HEATR6: variants seen among roughly 807,000 people sequenced by gnomAD.
HEATR6 encodes HEAT repeat containing 6.
In HEATR6, 106 loss-of-function variants were observed where a neutral mutation model predicts 132.8. That is an observed-to-expected ratio of 0.80 (90% CI 0.68 to 0.94). The LOEUF (loss-of-function observed/expected upper bound fraction) is 0.94, where lower values mean the gene tolerates loss of function less well. Ranked by LOEUF, HEATR6 falls within the 40% of genes least tolerant of loss-of-function variation. The probability of loss-of-function intolerance (pLI) is 0.00; values close to 1 mark genes in which losing one functional copy is unlikely to be tolerated. For missense variants in HEATR6, 1,339 were observed against 1,425.1 expected, an observed-to-expected ratio of 0.94 and a Z score of 0.97; for synonymous variants, 529 against 537.8, an observed-to-expected ratio of 0.98 and a Z score of 0.23.
chr17:60,073,185 C>A lies in HEATR6; in HGVS notation c.563G>T (p.Cys188Phe), dbSNP rs1275929283. 3 of 1,610,292 alleles carry A rather than the reference C, an allele frequency of 1.9e-6. No homozygotes were observed. Among genetic ancestry groups the A allele is most frequent in the Non-Finnish European group, 2.5e-6 (3 of 1,176,580 alleles). The stretch of plus-strand genomic sequence containing the variant: ...ATACCTGAGACATAAGTTTGCCATA[C>A]AATGTACTGCAGCTCTCCTGACTTC... Reference protein sequence around the residue: ...DPEVRRAAVHCMANLCLSVPG... With the variant: ...DPEVRRAAVHFMANLCLSVPG... Residue 188 changes from cysteine to phenylalanine, a missense_variant, in exon 4 of 20, where the codon TGT (cysteine) becomes TTT (phenylalanine). By Grantham distance (205) the Cys-to-Phe change is radical. Transcript: ENST00000184956.
At chr17:60,049,122 A>AGTGTGTGTGT (rs531092208) in intron 16 of HEATR6, among the ~76,000 whole-genome samples, 2,087 of 134,834 alleles carry the variant, frequency 0.015, 48 homozygotes, top group African/African-American at 0.041. Context: ...AGAGACAGAG[A>AGTGTGTGTGT]GTGTGTGTGT....
At chr17:60,066,709 T>C (rs1212170712) in intron 8 of HEATR6, among the ~76,000 whole-genome samples, 1 of 152,160 alleles carries the variant, frequency 6.6e-6, no homozygotes, top group East Asian at 1.9e-4. Flanking sequence ...ATCCATCCAT[T>C]CAACGAATAT....
At position 60,073,078 on chromosome 17, in the gene HEATR6, G is replaced by A. The variant is rs1002116721; in HGVS notation, c.584+86C>T. The A allele has an allele frequency of 7.2e-5, 51 of 706,548 alleles. 1 individual carries two copies. In the South Asian group the frequency reaches 7.6e-4, roughly 11 times the overall value. The allele number at this position is 706,548 out of a possible 1,614,324, so 43.8% of individuals were successfully genotyped here. On this transcript the variant is annotated intron_variant, in intron 4 of 19. Coordinates refer to ENST00000184956, the MANE Select transcript of HEATR6 (RefSeq NM_022070.5). ...TTAGTTATTTGTCTAAGTTGGCTCT[G>A]GCTTCAGGCACAGGGAACTACCTAC...
At chr17:60,066,484 G>T in intron 8 of HEATR6, 98 bp from the exon 9 acceptor site, 1 of 842,172 alleles carries the variant, frequency 1.2e-6, no homozygotes, top group South Asian at 2.0e-5. Context: ...CAATTCAAAT[G>T]ATACATTCAA....
At chr17:60,072,163 C>G in intron 5 of HEATR6, 52 bp downstream of exon 5, 1 of 844,426 alleles carries the variant, frequency 1.2e-6, no homozygotes, top group Non-Finnish European at 1.8e-6. Flanking sequence ...CTTTTCCAAT[C>G]TGCTTCTAGA....
intron 2 of HEATR6, chr17:60,074,147 C>A (rs1251124452): frequency 8.5e-6 from 10 of 1,180,260 alleles, no homozygotes; most frequent in Non-Finnish European, 9.4e-6. Flanking sequence ...TTGAACTAAC[C>A]AGACATTGGC....
intron 9 of HEATR6, among the ~76,000 whole-genome samples, chr17:60,065,476 T>C (rs538969503): frequency 2.0e-5 from 3 of 152,348 alleles, no homozygotes; most frequent in African/African-American, 7.2e-5. Context: ...CCAGATGCCA[T>C]TCAGCATGAC....
At chr17:60,048,893 C>T in intron 16 of HEATR6, among the ~76,000 whole-genome samples, 1 of 149,088 alleles carries the variant, frequency 6.7e-6, no homozygotes, top group Non-Finnish European at 1.5e-5. Flanking sequence ...TTTATTAGAT[C>T]ATTCATTAAT....
chr17:60,048,163 T>C, intron 17 of HEATR6, 101 bp downstream of exon 17: 2 of 1,233,932 alleles, frequency 1.6e-6, no homozygotes, highest in Admixed American at 2.4e-5. Flanking sequence ...CTGCATAATA[T>C]GCGGGAACTA....
At chr17:60,049,765 A>G in intron 15 of HEATR6, 63 bp from the exon 16 acceptor site, 1 of 1,563,950 alleles carries the variant, frequency 6.4e-7, no homozygotes. Flanking sequence ...AAAGGCTTCC[A>G]TAAAAGATGT....
chr17:60,059,326 C>T, intron 11 of HEATR6, 96 bp downstream of exon 11: 2 of 660,672 alleles, frequency 3.0e-6, no homozygotes. Flanking sequence ...TGTAAAAATG[C>T]TTTGAATATA....
At position 60,046,061 on chromosome 17, in the gene HEATR6, T is replaced by C. The variant is rs932656665; in HGVS notation, c.2938A>G (p.Met980Val). Residue 980 changes from methionine (M) to valine (V), a missense_variant, in exon 19 of 20, where the codon ATG becomes GTG. Physicochemically the swap from Met to Val is conservative, Grantham distance 21. Coordinates refer to ENST00000184956, the MANE Select transcript of HEATR6 (RefSeq NM_022070.5). ...GCAGGATTTTTAAATACATTTCCCATTGCATAACAAGCATTCCATCGGACT... is the reference window on the plus strand; with the variant it reads ...GCAGGATTTTTAAATACATTTCCCACTGCATAACAAGCATTCCATCGGACT... The part of the protein sequence containing the change: ...MKVRWNACYA[M>V]GNVFKNPALP... 3.1e-6 allele frequency: 5 copies of C among 1,613,954 alleles called. No individual in the cohort carries two copies. The African/African-American group carries it at 5.3e-5, about 17-fold the overall frequency.
intron 11 of HEATR6, 54 bp from the exon 12 acceptor site, chr17:60,057,457 T>C (rs919137683): frequency 8.5e-7 from 1 of 1,177,972 alleles, no homozygotes; most frequent in Non-Finnish European, 1.2e-6. Flanking sequence ...ACTGTAAAGA[T>C]GGTAGTTATC....
chr17:60,073,414 C>A (rs2083279635), intron 3 of HEATR6, 135 bp from the exon 4 acceptor site: 1 of 624,352 alleles, frequency 1.6e-6, no homozygotes, highest in Non-Finnish European at 2.8e-6. Context: ...ATAAATGTCT[C>A]CGATGGATAT....
intron 14 of HEATR6, among the ~76,000 whole-genome samples, chr17:60,053,972 A>G (rs1015842963): frequency 3.3e-5 from 5 of 152,348 alleles, no homozygotes; most frequent in Admixed American, 3.3e-4. Flanking sequence ...ACAGATTAGC[A>G]CGACTAAAAG....
intron 18 of HEATR6, among the ~76,000 whole-genome samples, chr17:60,046,524 G>C (rs1315375522): frequency 6.6e-6 from 1 of 152,136 alleles, no homozygotes; most frequent in Non-Finnish European, 1.5e-5. Flanking sequence ...ACAGGACAAG[G>C]CTGATTGATA....
chr17:60,065,585 T>C (rs1392868750), intron 9 of HEATR6, among the ~76,000 whole-genome samples: 2 of 152,244 alleles, frequency 1.3e-5, no homozygotes, highest in African/African-American at 4.8e-5. Flanking sequence ...GAGGCAAATA[T>C]TTGATAAGCC....
At chr17:60,046,355 G>T in intron 18 of HEATR6, 126 bp from the exon 19 acceptor site, 1 of 639,024 alleles carries the variant, frequency 1.6e-6, no homozygotes. Context: ...GAACTCACAA[G>T]GTCTGCTCTG....
intron 5 of HEATR6, among the ~76,000 whole-genome samples, chr17:60,071,339 G>C (rs893575158): frequency 3.9e-5 from 6 of 152,158 alleles, no homozygotes; most frequent in Non-Finnish European, 8.8e-5. Context: ...GTGAACTGTA[G>C]CCTTGTTTGA....
Sources: gnomAD v4.1 joint callset for allele counts (sites outside exome capture counted in the v4.1 genomes callset) on GRCh38, gnomAD v4.1.1 for gene constraint, MANE v1.5 for transcripts, NCBI Gene and HGNC (gene_info 2026-07-23, HGNC 2026-07-21) for gene names.